The following RPS6KA5 variants were observed in gnomAD, a reference collection of about 807,000 sequenced individuals.
RPS6KA5 encodes ribosomal protein S6 kinase A5.
RPS6KA5 carries 27 observed loss-of-function variants against 85.5 expected under a neutral mutation model. That is an observed-to-expected ratio of 0.32 (90% CI 0.23 to 0.44). RPS6KA5 has a LOEUF of 0.44. Ranked by LOEUF, RPS6KA5 falls within the 20% of genes least tolerant of loss-of-function variation. The probability of loss-of-function intolerance (pLI) is 1.00; values close to 1 mark genes in which losing one functional copy is unlikely to be tolerated. For synonymous variants in RPS6KA5, 334 were observed against 348.2 expected, an observed-to-expected ratio of 0.96 and a Z score of 0.46; for missense variants, 811 against 980.9, an observed-to-expected ratio of 0.83 and a Z score of 2.31.
chr14:91,003,636 T>C (rs1481512091), intron 1 of RPS6KA5, among the ~76,000 whole-genome samples: 4 of 152,206 alleles, frequency 2.6e-5, no homozygotes, highest in Non-Finnish European at 2.9e-5. Context: ...GTATGTTCTC[T>C]TTGGCTCCTC....
rs2032016722 is a variant in RPS6KA5, at chr14:90,851,976, G to C, written c.*20098C>G. On this transcript the variant is annotated 3_prime_UTR_variant, in exon 17 of 17. Coordinates refer to ENST00000614987, the MANE Select transcript of RPS6KA5 (RefSeq NM_004755.4). ...AAAGACAGAATTTAATATATTCGTT[G>C]ATCTAAAGAAATAAACAGTATTATT... The C allele has an allele frequency of 6.7e-6, 1 of 150,242 alleles. No individual in the cohort carries two copies. 9.3% of individuals were successfully genotyped at this position (150,242 alleles called of 1,614,324 possible). A position where few individuals can be genotyped will look rare whatever the true frequency, so the allele number is the denominator to read the frequency against.
rs1393584000 is a variant in RPS6KA5 at position 90,866,187 on chromosome 14, G to C, written c.*5887C>G. On this transcript the variant is annotated 3_prime_UTR_variant, in exon 17 of 17. Coordinates refer to ENST00000614987, the MANE Select transcript of RPS6KA5 (RefSeq NM_004755.4). ...GGGATGAACTGATGCAGTTAAGGAA[G>C]ACAACTCACAAAGCAACTCACGGCT... is the stretch of plus-strand genomic sequence containing the variant. The C allele has an allele frequency of 6.6e-6, 1 of 152,300 alleles. No individual in the cohort carries two copies. The highest frequency in any genetic ancestry group is 1.9e-4 in the East Asian group (1 of 5,196). 9.4% of individuals were successfully genotyped at this position (152,300 alleles called of 1,614,324 possible).
intron 8 of RPS6KA5, among the ~76,000 whole-genome samples, chr14:90,903,179 T>C (rs995147423): frequency 6.6e-6 from 1 of 152,150 alleles, no homozygotes; most frequent in Non-Finnish European, 1.5e-5. Flanking sequence ...AAGATGAGAC[T>C]ATCGCTGTTG....
intron 2 of RPS6KA5, among the ~76,000 whole-genome samples, chr14:91,000,820 T>A (rs1185360546): frequency 2.0e-5 from 3 of 151,932 alleles, no homozygotes; most frequent in Non-Finnish European, 4.4e-5. Flanking sequence ...TAAAATAAAA[T>A]AAAATATTGT....
At chr14:90,985,963 A>C (rs2040037967) in intron 2 of RPS6KA5, among the ~76,000 whole-genome samples, 1 of 152,224 alleles carries the variant, frequency 6.6e-6, no homozygotes. Flanking sequence ...CACTTTAAAG[A>C]AAGGAACTGC....
At chr14:90,982,400 A>T (rs145529224) in intron 2 of RPS6KA5, among the ~76,000 whole-genome samples, 5 of 152,260 alleles carry the variant, frequency 3.3e-5, no homozygotes, top group Middle Eastern at 3.4e-3. Context: ...AGTTTGAGAC[A>T]GCAGTGAGCC....
At chr14:91,012,831 C>T (rs1566863036) in intron 1 of RPS6KA5, among the ~76,000 whole-genome samples, 1 of 152,236 alleles carries the variant, frequency 6.6e-6, no homozygotes, top group Non-Finnish European at 1.5e-5. Context: ...AAACAACCCC[C>T]TCAAAAGGAG....
chr14:91,004,223 C>T (rs1348222705), intron 1 of RPS6KA5, among the ~76,000 whole-genome samples: 1 of 152,156 alleles, frequency 6.6e-6, no homozygotes, highest in Non-Finnish European at 1.5e-5. Context: ...GGAGCTGGGC[C>T]TACAGGCGCC....
chr14:90,896,685 C>T (rs2034853356), intron 12 of RPS6KA5, among the ~76,000 whole-genome samples: 1 of 152,024 alleles, frequency 6.6e-6, no homozygotes, highest in South Asian at 2.1e-4. Context: ...CCCTTAGAGC[C>T]TCCAGAGCAG....
Position 90,863,475 on chromosome 14 carries a change from AT to A in RPS6KA5, c.*8598del, listed in dbSNP as rs1252396500. The A allele has an allele frequency of 6.6e-6, 1 of 151,502 alleles. No individual in the cohort carries two copies. Among genetic ancestry groups the A allele is most frequent in the Non-Finnish European group, 1.5e-5 (1 of 67,832 alleles). The allele number at this position is 151,502 out of a possible 1,614,324, so 9.4% of individuals were successfully genotyped here. On this transcript the variant is annotated 3_prime_UTR_variant, in exon 17 of 17. Coordinates refer to ENST00000614987, the MANE Select transcript of RPS6KA5 (RefSeq NM_004755.4). ...TGATCAGCTCAATAAGGCAAGAAAA[AT>A]AAAAATTGAAAAGGCAGAAATGAAA...
chr14:90,994,446 A>C (rs540065339), intron 2 of RPS6KA5, among the ~76,000 whole-genome samples: 3 of 151,914 alleles, frequency 2.0e-5, no homozygotes, highest in African/African-American at 7.3e-5. Context: ...TTAATTAAAA[A>C]CATACACATT....
intron 2 of RPS6KA5, among the ~76,000 whole-genome samples, chr14:90,989,148 A>T (rs909023473): frequency 1.3e-5 from 2 of 152,204 alleles, no homozygotes; most frequent in Non-Finnish European, 2.9e-5. Flanking sequence ...ACCCATGGTT[A>T]TCTAGTAATT....
intron 13 of RPS6KA5, among the ~76,000 whole-genome samples, chr14:90,892,384 G>A (rs1249300369): frequency 2.6e-5 from 4 of 152,046 alleles, no homozygotes; most frequent in Non-Finnish European, 2.9e-5. Context: ...CTCCTATTCC[G>A]GAATATGTAA....
intron 6 of RPS6KA5, among the ~76,000 whole-genome samples, chr14:90,921,880 C>G (rs966380647): frequency 6.6e-6 from 1 of 152,048 alleles, no homozygotes; most frequent in African/African-American, 2.4e-5. Flanking sequence ...TTGGATAAAG[C>G]TATTAATAAA....
intron 3 of RPS6KA5, among the ~76,000 whole-genome samples, chr14:90,971,771 TAA>T: frequency 6.6e-6 from 1 of 152,312 alleles, no homozygotes; most frequent in Admixed American, 6.5e-5. Flanking sequence ...CATCTGCTCC[TAA>T]AACATCTTTA....
At chr14:90,898,523 C>T (rs996696651) in intron 12 of RPS6KA5, among the ~76,000 whole-genome samples, 1 of 152,332 alleles carries the variant, frequency 6.6e-6, no homozygotes, top group African/African-American at 2.4e-5. Context: ...TTATTAGATT[C>T]GCATTGACAT....
intron 1 of RPS6KA5, among the ~76,000 whole-genome samples, chr14:91,022,863 G>C (rs1312098931): frequency 6.6e-6 from 1 of 152,090 alleles, no homozygotes; most frequent in Non-Finnish European, 1.5e-5. Context: ...GAGGCAGGCA[G>C]ATCACCAGGT....
In RPS6KA5 at chr14:90,875,300, T is replaced by C. The variant is rs778537958; in HGVS notation, c.1897A>G (p.Ser633Gly). The C allele has an allele frequency of 6.2e-7, 1 of 1,613,798 alleles. No individual in the cohort carries two copies. Among genetic ancestry groups the C allele is most frequent in the South Asian group, 1.1e-5 (1 of 91,080 alleles). Residue 633 changes from serine to glycine, a missense_variant, in exon 15 of 17, where the codon AGC (serine) becomes GGC (glycine). This residue lies in a region of RPS6KA5 where 650 missense variants were observed against 793.4 expected (regional missense o/e 0.82). Coordinates refer to ENST00000614987, the MANE Select transcript of RPS6KA5 (RefSeq NM_004755.4). ...QSHDRSLTCT[S>G]AVEIMKKIKK... ...ATTTTCTTCATGATTTCCACCGCGC[T>C]GGTACACGTCAAACTTCGGTCATGA...
rs907240263 is a variant in RPS6KA5, at chr14:90,929,061, T to C, written c.619-5865A>G. Among the ~76,000 whole-genome samples the C allele has an allele frequency of 1.3e-5, 2 of 152,084 alleles. 1 individual carries two copies. The highest frequency in any genetic ancestry group is 1.3e-4 in the Admixed American group (2 of 15,274). ...AAAAGGAAACAAAAATCTATTCATA[T>C]AATTCACATCATTATGTGGTTAAAG... On this transcript the variant is annotated intron_variant, in intron 5 of 16. Transcript: ENST00000614987.
Sources: gnomAD v4.1 joint callset for allele counts (sites outside exome capture counted in the v4.1 genomes callset) on GRCh38, gnomAD v4.1.1 for gene constraint, gnomAD v4.1.1 regional missense constraint, MANE v1.5 for transcripts, NCBI Gene and HGNC (gene_info 2026-07-23, HGNC 2026-07-21) for gene names.